Variants in ZNF521 observed in about 807,000 individuals in gnomAD.
ZNF521 encodes the protein LYST-interacting protein 3.
ZNF521 carries 14 observed loss-of-function variants against 105.5 expected under a neutral mutation model. That is an observed-to-expected ratio of 0.13 (90% CI 0.09 to 0.21). The LOEUF (loss-of-function observed/expected upper bound fraction) is 0.21, where lower values mean the gene tolerates loss of function less well. Among genes scored for constraint, ZNF521 ranks in the 10% least tolerant of loss-of-function variants. ZNF521 has a pLI of 1.00. For synonymous variants in ZNF521, 635 were observed against 606.0 expected (o/e 1.05, Z -0.70); for missense variants, 1,233 against 1,629.7 (o/e 0.76, Z 4.19).
intron 5 of ZNF521, among the ~76,000 whole-genome samples, chr18:25,133,113 G>C (rs1449240079): frequency 1.3e-5 from 2 of 152,196 alleles, no homozygotes; most frequent in African/African-American, 4.8e-5. Context: ...ACCTACAATT[G>C]AGGAAGCAGC....
intron 3 of ZNF521, among the ~76,000 whole-genome samples, chr18:25,249,217 C>T (rs1907936148): frequency 6.6e-6 from 1 of 151,342 alleles, no homozygotes; most frequent in African/African-American, 2.4e-5. Context: ...AATCTCGGCT[C>T]ACTGCTCGGC....
At chr18:25,195,569 T>C (rs2035888441) in intron 4 of ZNF521, among the ~76,000 whole-genome samples, 1 of 114,582 alleles carries the variant, frequency 8.7e-6, no homozygotes, top group Non-Finnish European at 2.1e-5. Context: ...AAAACATGCG[T>C]ATTAAAAAAA....
At chr18:25,276,761 T>G (rs1415561595) in intron 3 of ZNF521, among the ~76,000 whole-genome samples, 2 of 152,232 alleles carry the variant, frequency 1.3e-5, no homozygotes, top group Non-Finnish European at 2.9e-5. Flanking sequence ...TGTGAAGAAG[T>G]TAATGAAGTC....
intron 2 of ZNF521, among the ~76,000 whole-genome samples, chr18:25,340,495 G>A (rs1248687323): frequency 6.6e-6 from 1 of 152,164 alleles, no homozygotes; most frequent in African/African-American, 2.4e-5. Context: ...TCCAAACTGC[G>A]TTTGGAAATT....
chr18:25,129,561 A>G (rs1333584879), intron 5 of ZNF521, among the ~76,000 whole-genome samples: 1 of 152,068 alleles, frequency 6.6e-6, no homozygotes, highest in African/African-American at 2.4e-5. Flanking sequence ...ATATAATGAG[A>G]GAATATATTT....
In ZNF521 at chr18:25,216,037, T is replaced by A. The variant is rs191062640; in HGVS notation, c.3573+8308A>T. ...TTAAATACTGTCTCTTTAGAGGGAG[T>A]TTAACCCATTTAGTTTTTGCTCTTT... On this transcript the variant is annotated intron_variant, in intron 4 of 7. Coordinates refer to ENST00000361524, the MANE Select transcript of ZNF521 (RefSeq NM_015461.3). Among the ~76,000 whole-genome samples the A allele has an allele frequency of 3.5e-4, 53 of 152,312 alleles. No individual in the cohort carries two copies. The East Asian group carries it at 0.01, about 29-fold the overall frequency.
chr18:25,321,049 G>A (rs535730948), intron 3 of ZNF521, among the ~76,000 whole-genome samples: 41 of 152,316 alleles, frequency 2.7e-4, no homozygotes, highest in Non-Finnish European at 4.7e-4. Context: ...TGAATATGCT[G>A]TGGAAAACAG....
At chr18:25,173,766 GGT>G (rs2035488316) in intron 5 of ZNF521, among the ~76,000 whole-genome samples, 1 of 152,084 alleles carries the variant, frequency 6.6e-6, no homozygotes, top group African/African-American at 2.4e-5. Context: ...AGAAAAAAGG[GGT>G]CATGTTCCAG....
At chr18:25,108,105 G>A (rs2034110044) in intron 5 of ZNF521, among the ~76,000 whole-genome samples, 1 of 152,206 alleles carries the variant, frequency 6.6e-6, no homozygotes, top group Non-Finnish European at 1.5e-5. Flanking sequence ...GTCAAAGTCA[G>A]ACTTTTTCTG....
chr18:25,122,599 G>C (rs1041510845), intron 5 of ZNF521, among the ~76,000 whole-genome samples: 4 of 152,204 alleles, frequency 2.6e-5, no homozygotes, highest in African/African-American at 7.2e-5. Flanking sequence ...AAGAAGTAAA[G>C]TGAATTTCTA....
chr18:25,194,544 T>G (rs1046331323), intron 5 of ZNF521, among the ~76,000 whole-genome samples: 3 of 151,712 alleles, frequency 2.0e-5, no homozygotes, highest in Non-Finnish European at 4.4e-5. Context: ...CTAAAAACAA[T>G]GGCCTGGAGT....
At chr18:25,099,441 T>C (rs2033921087) in intron 5 of ZNF521, among the ~76,000 whole-genome samples, 1 of 152,044 alleles carries the variant, frequency 6.6e-6, no homozygotes, top group Admixed American at 6.5e-5. Flanking sequence ...ACAAAGTAGC[T>C]GTCTAATTTG....
intron 5 of ZNF521, among the ~76,000 whole-genome samples, chr18:25,164,595 A>G (rs1020568972): frequency 6.6e-6 from 1 of 152,188 alleles, no homozygotes; most frequent in Non-Finnish European, 1.5e-5. Context: ...ATTTGGGAGC[A>G]TATCTCAGGA....
chr18:25,296,643 ACTTT>A (rs1275576296), intron 3 of ZNF521, among the ~76,000 whole-genome samples: 1 of 152,116 alleles, frequency 6.6e-6, no homozygotes, highest in Non-Finnish European at 1.5e-5. Flanking sequence ...TACACATCTA[ACTTT>A]CTTTCTGGGA....
chr18:25,347,655 C>G (rs1014448795), intron 2 of ZNF521, among the ~76,000 whole-genome samples: 62 of 152,278 alleles, frequency 4.1e-4, no homozygotes, highest in African/African-American at 1.3e-3. Flanking sequence ...TTCAAGTAAA[C>G]ATAATTATTC....
intron 4 of ZNF521, among the ~76,000 whole-genome samples, chr18:25,203,409 G>A (rs905550096): frequency 6.6e-6 from 1 of 152,180 alleles, no homozygotes; most frequent in South Asian, 2.1e-4. Flanking sequence ...TTGAATCCAG[G>A]AGTTCAAGAC....
intron 5 of ZNF521, among the ~76,000 whole-genome samples, chr18:25,139,525 G>C (rs1196544894): frequency 6.6e-6 from 1 of 152,076 alleles, no homozygotes; most frequent in Non-Finnish European, 1.5e-5. Flanking sequence ...GGAAAGGTAT[G>C]ACACAGAAGA....
chr18:25,305,389 T>C (rs1911922683), intron 3 of ZNF521, among the ~76,000 whole-genome samples: 1 of 152,220 alleles, frequency 6.6e-6, no homozygotes, highest in Non-Finnish European at 1.5e-5. Context: ...AAGGATAAAA[T>C]GTTTTAGTGA....
At chr18:25,156,233 A>G (rs888226881) in intron 5 of ZNF521, among the ~76,000 whole-genome samples, 3 of 152,280 alleles carry the variant, frequency 2.0e-5, no homozygotes, top group Admixed American at 2.0e-4. Context: ...AATACAGACA[A>G]TTTTAAAAAA....
Sources: gnomAD v4.1 joint callset for allele counts (sites outside exome capture counted in the v4.1 genomes callset) on GRCh38, gnomAD v4.1.1 for gene constraint, MANE v1.5 for transcripts, NCBI Gene and HGNC (gene_info 2026-07-23, HGNC 2026-07-21) for gene names.